The following CPEB3 variants were observed in gnomAD, a reference collection of about 807,000 sequenced individuals.
The protein encoded by CPEB3 is cytoplasmic polyadenylation element binding protein 3.
A neutral mutation model predicts 67.2 loss-of-function variants in CPEB3; 20 were observed. The ratio of observed to expected loss-of-function variants is 0.30; its 90% CI spans 0.21 to 0.43. CPEB3 has a LOEUF of 0.43. Among genes scored for constraint, CPEB3 ranks in the 20% least tolerant of loss-of-function variants. The pLI is 1.00. For synonymous variants in CPEB3, 376 were observed against 393.1 expected (o/e 0.96, Z 0.51); for missense variants, 746 against 968.6 (o/e 0.77, Z 3.05).
At chr10:92,072,455 C>T (rs946813409) in intron 9 of CPEB3, among the ~76,000 whole-genome samples, 3 of 152,174 alleles carry the variant, frequency 2.0e-5, no homozygotes, top group Non-Finnish European at 2.9e-5. Flanking sequence ...AAATCAACAT[C>T]TGCCTGTTCA....
At chr10:92,167,698 G>T (rs1847810026) in intron 4 of CPEB3, among the ~76,000 whole-genome samples, 1 of 152,148 alleles carries the variant, frequency 6.6e-6, no homozygotes, top group Non-Finnish European at 1.5e-5. Flanking sequence ...CCTGAGGTCA[G>T]GAGTTTGAGA....
At position 92,182,103 on chromosome 10, in the gene CPEB3, T is replaced by C. The variant is rs76955699; in HGVS notation, c.1166-1084A>G. Among the ~76,000 whole-genome samples, 1,203 of 152,358 alleles carry C rather than the reference T, an allele frequency of 7.9e-3. 10 individuals carry two copies. Among genetic ancestry groups the C allele is most frequent in the African/African-American group, 0.028 (1,155 of 41,578 alleles). On this transcript the variant is annotated intron_variant, in intron 3 of 9. Transcript: ENST00000265997. The stretch of plus-strand genomic sequence containing the variant: ...AAGCTAATATCTATAAACTTGGCTC[T>C]GCAAGGTTTTAATGTTCAATTATGT...
chr10:92,110,441 A>G (rs763573627), intron 7 of CPEB3, among the ~76,000 whole-genome samples: 1 of 152,180 alleles, frequency 6.6e-6, no homozygotes, highest in Non-Finnish European at 1.5e-5. Flanking sequence ...TTCTCCACTG[A>G]TAGCTCTTCT....
chr10:92,085,783 T>C (rs1843345532), intron 8 of CPEB3, among the ~76,000 whole-genome samples: 1 of 152,138 alleles, frequency 6.6e-6, no homozygotes, highest in Non-Finnish European at 1.5e-5. Context: ...CTCATTTTTA[T>C]ATTTTTAGTA....
chr10:92,212,089 CA>C (rs1850121391), intron 2 of CPEB3, among the ~76,000 whole-genome samples: 2 of 146,256 alleles, frequency 1.4e-5, no homozygotes, highest in African/African-American at 5.1e-5. Flanking sequence ...CTATGTTGGC[CA>C]GGCTGGTTTT....
intron 1 of CPEB3, among the ~76,000 whole-genome samples, chr10:92,254,560 T>C (rs1230059500): frequency 6.6e-6 from 1 of 152,202 alleles, no homozygotes; most frequent in Non-Finnish European, 1.5e-5. Context: ...CTTGGGTTAA[T>C]TCGTTTCATT....
chr10:92,290,559 C>T (rs1388673955), intron 1 of CPEB3, among the ~76,000 whole-genome samples: 2 of 152,180 alleles, frequency 1.3e-5, no homozygotes, highest in East Asian at 3.8e-4. Flanking sequence ...GGGAGAGAAT[C>T]ATCTTTCCTT....
chr10:92,211,536 A>ATT (rs200179192), intron 2 of CPEB3, among the ~76,000 whole-genome samples: 7 of 140,782 alleles, frequency 5.0e-5, no homozygotes, highest in Non-Finnish European at 7.8e-5. Context: ...ATATATCATA[A>ATT]TTTTTTTTTT....
intron 6 of CPEB3, chr10:92,119,088 T>C: frequency 1.9e-5 from 30 of 1,582,734 alleles, no homozygotes; most frequent in Non-Finnish European, 2.6e-5. Flanking sequence ...GGCCTGAAGA[T>C]TCCCCAGCTA....
chr10:92,089,246 C>A lies in CPEB3; in HGVS notation c.1687+2584G>T, dbSNP rs1229579. Among the ~76,000 whole-genome samples the A allele has an allele frequency of 2.0e-5, 3 of 152,108 alleles. No homozygotes were observed. The East Asian group carries it at 5.8e-4, about 29-fold the overall frequency. ...AAGAAACCCAATCCCTAGGATTATACATAAAAGTTGCAGATGTTAACTTTT... is the reference window on the plus strand; with the variant it reads ...AAGAAACCCAATCCCTAGGATTATAAATAAAAGTTGCAGATGTTAACTTTT... On this transcript the variant is annotated intron_variant, in intron 8 of 9. Transcript: ENST00000265997.
At position 92,051,118 on chromosome 10, in the gene CPEB3, G is replaced by A. The variant is rs1337229022; in HGVS notation, c.*1094C>T. 6.6e-6 allele frequency: 1 copy of A among 152,406 alleles called. No homozygotes were observed. Among genetic ancestry groups the A allele is most frequent in the Non-Finnish European group, 1.5e-5 (1 of 68,018 alleles). The allele number at this position is 152,406 out of a possible 1,614,324, so 9.4% of individuals were successfully genotyped here. A position where few individuals can be genotyped will look rare whatever the true frequency, so the allele number is the denominator to read the frequency against. On this transcript the variant is annotated 3_prime_UTR_variant, in exon 10 of 10. Transcript: ENST00000265997. ...ATATCCTACACCTAGGTTTTATATC[G>A]GTTGTAATATAGGTCATTCTGTTAT...
chr10:92,058,187 GA>G (rs1457709841), intron 9 of CPEB3, among the ~76,000 whole-genome samples: 7 of 152,138 alleles, frequency 4.6e-5, no homozygotes, highest in African/African-American at 1.7e-4. Flanking sequence ...GAAACTCAAA[GA>G]AGAGACAAAG....
chr10:92,072,310 TTTTCC>T (rs1842780999), intron 9 of CPEB3, among the ~76,000 whole-genome samples: 1 of 152,262 alleles, frequency 6.6e-6, no homozygotes, highest in African/African-American at 2.4e-5. Flanking sequence ...AACTATTTCA[TTTTCC>T]TTATATCAAG....
At chr10:92,154,522 C>A (rs1847114664) in intron 4 of CPEB3, among the ~76,000 whole-genome samples, 1 of 152,184 alleles carries the variant, frequency 6.6e-6, no homozygotes, top group South Asian at 2.1e-4. Flanking sequence ...CCCCTGCTTT[C>A]ATTACTTTAT....
chr10:92,192,694 A>G lies in CPEB3; in HGVS notation c.1006-58T>C, dbSNP rs1431435341. 3.7e-6 allele frequency: 5 copies of G among 1,339,312 alleles called. No homozygotes were observed. In the Admixed American group the frequency reaches 7.0e-5, roughly 19 times the overall value. The allele number at this position is 1,339,312 out of a possible 1,614,324, so 83.0% of individuals were successfully genotyped here. A position where few individuals can be genotyped will look rare whatever the true frequency, so the allele number is the denominator to read the frequency against. On this transcript the variant is annotated intron_variant, in intron 2 of 9. Coordinates refer to ENST00000265997, the MANE Select transcript of CPEB3 (RefSeq NM_014912.5). The stretch of plus-strand genomic sequence containing the variant: ...AAAATTACTTCATAAAATTAACACC[A>G]TATCATTTGCTTCCTGCTGTGGATT...
intron 7 of CPEB3, among the ~76,000 whole-genome samples, chr10:92,108,643 T>A (rs562259815): frequency 5.3e-5 from 8 of 152,358 alleles, no homozygotes; most frequent in African/African-American, 1.9e-4. Context: ...CAAAGAAATG[T>A]GTGATTGGCA....
chr10:92,256,798 A>G (rs1164284832), intron 1 of CPEB3, among the ~76,000 whole-genome samples: 5 of 152,156 alleles, frequency 3.3e-5, no homozygotes, highest in Non-Finnish European at 7.4e-5. Context: ...CTTCCTTTAT[A>G]CAACTTTGTA....
chr10:92,135,051 C>T (rs1385799082), intron 6 of CPEB3, among the ~76,000 whole-genome samples: 1 of 151,996 alleles, frequency 6.6e-6, no homozygotes, highest in African/African-American at 2.4e-5. Flanking sequence ...GACCTAAAAC[C>T]ATAAAAACCC....
chr10:92,165,131 T>C (rs1433060983), intron 4 of CPEB3, among the ~76,000 whole-genome samples: 1 of 152,030 alleles, frequency 6.6e-6, no homozygotes, highest in East Asian at 1.9e-4. Context: ...TAAAAAACAA[T>C]ATATATAACT....
Sources: gnomAD v4.1 joint callset for allele counts (sites outside exome capture counted in the v4.1 genomes callset) on GRCh38, gnomAD v4.1.1 for gene constraint, MANE v1.5 for transcripts, NCBI Gene and HGNC (gene_info 2026-07-23, HGNC 2026-07-21) for gene names.